ANKS1A: variants seen among roughly 807,000 people sequenced by gnomAD.
ANKS1A encodes ankyrin repeat and sterile alpha motif domain containing 1A, also known as ankyrin repeat and SAM domain-containing protein 1A.
ANKS1A carries 55 observed loss-of-function variants against 120.3 expected under a neutral mutation model. That is an observed-to-expected ratio of 0.46 (90% CI 0.37 to 0.57). The LOEUF (loss-of-function observed/expected upper bound fraction) is 0.57. Among genes scored for constraint, ANKS1A ranks in the 20% least tolerant of loss-of-function variants. The probability of loss-of-function intolerance (pLI) is 0.00; values close to 1 mark genes in which losing one functional copy is unlikely to be tolerated. For synonymous variants in ANKS1A, 590 were observed against 604.7 expected (o/e 0.98, Z 0.36); for missense variants, 1,123 against 1,480.3 (o/e 0.76, Z 3.96).
intron 1 of ANKS1A, among the ~76,000 whole-genome samples, chr6:34,950,465 G>A (rs548942348): frequency 2.0e-4 from 30 of 152,098 alleles, no homozygotes; most frequent in African/African-American, 7.2e-4. Flanking sequence ...CTGACCTCAG[G>A]TGATCTGCCC....
At chr6:35,061,777 G>A (rs925952244) in intron 13 of ANKS1A, among the ~76,000 whole-genome samples, 1 of 152,164 alleles carries the variant, frequency 6.6e-6, no homozygotes, top group Non-Finnish European at 1.5e-5. Flanking sequence ...GACTCACCAC[G>A]TTCCTCGGGG....
intron 13 of ANKS1A, among the ~76,000 whole-genome samples, chr6:35,078,118 C>T (rs1360757832): frequency 1.3e-5 from 2 of 152,146 alleles, no homozygotes; most frequent in African/African-American, 2.4e-5. Flanking sequence ...GCTGGGTCCT[C>T]GGGTACCCAA....
In ANKS1A at chr6:35,089,338, G is replaced by A. The variant is rs927108031; in HGVS notation, c.*729G>A. Reference sequence around the variant, plus strand: ...GATAAGTGTGCAGTTTCTAGTGCTGGGAAGTCTTAGCCAGCACCAGAGCGC... The same window carrying A: ...GATAAGTGTGCAGTTTCTAGTGCTGAGAAGTCTTAGCCAGCACCAGAGCGC... On this transcript the variant is annotated 3_prime_UTR_variant, in exon 24 of 24. Transcript: ENST00000360359. 3.0e-6 allele frequency: 3 copies of A among 986,952 alleles called. No homozygotes were observed. Among genetic ancestry groups the A allele is most frequent in the East Asian group, 1.1e-4 (1 of 8,838 alleles). The allele number at this position is 986,952 out of a possible 1,614,324, so 61.1% of individuals were successfully genotyped here.
At chr6:35,079,175 C>T (rs767617290) in intron 14 of ANKS1A, among the ~76,000 whole-genome samples, 1 of 152,226 alleles carries the variant, frequency 6.6e-6, no homozygotes, top group Non-Finnish European at 1.5e-5. Context: ...AGCGCCCGCT[C>T]TGAGGGCACA....
chr6:34,966,261 T>A (rs1444209891), intron 1 of ANKS1A, among the ~76,000 whole-genome samples: 1 of 152,226 alleles, frequency 6.6e-6, no homozygotes, highest in Non-Finnish European at 1.5e-5. Flanking sequence ...CAATTAAGTT[T>A]ACTCCAAGAA....
At chr6:35,016,322 G>C (rs1581648657) in intron 10 of ANKS1A, among the ~76,000 whole-genome samples, 1 of 152,210 alleles carries the variant, frequency 6.6e-6, no homozygotes. Context: ...TAGTTCTTGA[G>C]AGTTTTGAGC....
intron 1 of ANKS1A, among the ~76,000 whole-genome samples, chr6:34,903,945 C>T (rs1372707522): frequency 1.3e-5 from 2 of 152,188 alleles, no homozygotes; most frequent in African/African-American, 2.4e-5. Context: ...CTGCCTTGGC[C>T]TCCCAAGGTG....
intron 14 of ANKS1A, 44 bp downstream of exon 14, chr6:35,078,700 G>A (rs1416164055): frequency 1.9e-6 from 3 of 1,574,056 alleles, no homozygotes; most frequent in Non-Finnish European, 2.6e-6. Context: ...GCGGAGCCAG[G>A]GCCACCTCCC....
chr6:35,017,422 A>AT, intron 10 of ANKS1A, 51 bp from the exon 11 acceptor site: 1 of 1,532,488 alleles, frequency 6.5e-7, no homozygotes, highest in South Asian at 1.3e-5. Context: ...AACTTTGTTG[A>AT]TTTTTGCCAC....
At position 34,912,697 on chromosome 6, in the gene ANKS1A, GA is replaced by G. The variant is rs1767963830; in HGVS notation, c.197+23103del. Among the ~76,000 whole-genome samples the G allele has an allele frequency of 5.9e-5, 9 of 152,296 alleles. 1 individual carries two copies. The South Asian group carries it at 1.4e-3, about 25-fold the overall frequency. On this transcript the variant is annotated intron_variant, in intron 1 of 23. Coordinates refer to ENST00000360359, the MANE Select transcript of ANKS1A (RefSeq NM_015245.3). ...TCTACCACAAAGTCGATTGGGGTTA[GA>G]AAAAGGGGTGCACTAGTAGGGATTC...
Position 34,967,150 on chromosome 6 carries a change from T to A in ANKS1A, c.198-89T>A. On this transcript the variant is annotated intron_variant, in intron 1 of 23. Coordinates refer to ENST00000360359, the MANE Select transcript of ANKS1A (RefSeq NM_015245.3). The stretch of plus-strand genomic sequence containing the variant: ...GGTCTGGTTGAACACCACACAGAAA[T>A]CTTTACTAATTAGCTAGCTATCTCT... The A allele has an allele frequency of 2.3e-6, 3 of 1,290,938 alleles. No individual in the cohort carries two copies. The South Asian group carries it at 3.8e-5, about 16-fold the overall frequency. 80.0% of individuals were successfully genotyped at this position (1,290,938 alleles called of 1,614,324 possible).
rs563198723 is a variant in ANKS1A, at chr6:35,059,839, C to T, written c.2078-308C>T. On this transcript the variant is annotated intron_variant, in intron 12 of 23. Coordinates refer to ENST00000360359, the MANE Select transcript of ANKS1A (RefSeq NM_015245.3). Reference sequence around the variant, plus strand: ...GACTGTTGGGATTTGGCTTCCCCCACCCCCGACCTGTGGGCAGAGATCATG... The same window carrying T: ...GACTGTTGGGATTTGGCTTCCCCCATCCCCGACCTGTGGGCAGAGATCATG... Among the ~76,000 whole-genome samples, 8 of 152,290 alleles carry T rather than the reference C, an allele frequency of 5.3e-5. No individual in the cohort carries two copies. In the East Asian group the frequency reaches 1.5e-3, roughly 29 times the overall value.
chr6:34,910,239 G>A (rs866504914), intron 1 of ANKS1A, among the ~76,000 whole-genome samples: 9 of 152,266 alleles, frequency 5.9e-5, no homozygotes, highest in Middle Eastern at 3.4e-3. Context: ...GCAGTTGAGT[G>A]GGTGATCTCT....
At chr6:34,942,369 CT>C (rs1389958819) in intron 1 of ANKS1A, among the ~76,000 whole-genome samples, 2 of 152,196 alleles carry the variant, frequency 1.3e-5, no homozygotes, top group Non-Finnish European at 2.9e-5. Flanking sequence ...TCAGTACTCA[CT>C]TGAGTTTAAG....
intron 3 of ANKS1A, among the ~76,000 whole-genome samples, chr6:34,976,273 A>G (rs146203734): frequency 2.4e-3 from 360 of 152,236 alleles, no homozygotes; most frequent in African/African-American, 8.1e-3. Context: ...TCTATCAGGC[A>G]CCTGTACAAA....
In ANKS1A at chr6:34,997,506, A is replaced by T. The variant is rs374650762; in HGVS notation, c.1423+3084A>T. Among the ~76,000 whole-genome samples the T allele has an allele frequency of 6.6e-5, 10 of 152,266 alleles. No homozygotes were observed. In the East Asian group the frequency reaches 9.6e-4, roughly 15 times the overall value. ...GCACCAAGCCTGGCCATATTGGTAG[A>T]TTTTTAATTAAAACATTTAGAAAAG... On this transcript the variant is annotated intron_variant, in intron 10 of 23. Transcript: ENST00000360359.
Position 35,082,679 on chromosome 6 carries a change from T to C in ANKS1A, c.2710-12T>C. 1 of 1,604,462 alleles carries C rather than the reference T, an allele frequency of 6.2e-7. No individual in the cohort carries two copies. The highest frequency in any genetic ancestry group is 8.5e-7 in the Non-Finnish European group (1 of 1,175,120). On this transcript the variant is annotated splice_polypyrimidine_tract_variant and intron_variant, in intron 17 of 23. Coordinates refer to ENST00000360359, the MANE Select transcript of ANKS1A (RefSeq NM_015245.3). This position sits in a 1 kb window ranked among gnomAD's most constrained non-coding sequence, Gnocchi z 4.1. ...AGCAAGGAGCAGGTGTCCAATTGCG[T>C]GTGTTTCGCAGGAGGAGCACCGTGA...
At position 34,889,287 on chromosome 6, in the gene ANKS1A, G is replaced by A; in HGVS notation, c.-116G>A. 8.3e-7 allele frequency: 1 copy of A among 1,208,116 alleles called. No homozygotes were observed. Among genetic ancestry groups the A allele is most frequent in the Non-Finnish European group, 1.0e-6 (1 of 970,154 alleles). 74.8% of individuals were successfully genotyped at this position (1,208,116 alleles called of 1,614,324 possible). A position where few individuals can be genotyped will look rare whatever the true frequency, so the allele number is the denominator to read the frequency against. On this transcript the variant is annotated 5_prime_UTR_variant, in exon 1 of 24. Coordinates refer to ENST00000360359, the MANE Select transcript of ANKS1A (RefSeq NM_015245.3). The surrounding 1 kb of genome is among the most constrained non-coding windows in gnomAD (Gnocchi z 5.5). ...CGCTCGTGGGGAAAAGGCAGGGAGG[G>A]GGTGGTGTCCCCAGCCGGTTTGGGG... is the stretch of plus-strand genomic sequence containing the variant.
chr6:34,910,677 A>T (rs1238388309), intron 1 of ANKS1A, among the ~76,000 whole-genome samples: 1 of 152,104 alleles, frequency 6.6e-6, no homozygotes, highest in African/African-American at 2.4e-5. Flanking sequence ...CCTGGCCAAC[A>T]TGGTGAAACC....
Sources: allele counts gnomAD v4.1 joint callset (sites outside exome capture counted in the v4.1 genomes callset), GRCh38; gene constraint gnomAD v4.1.1; non-coding constraint Gnocchi (gnomAD v3.1); transcripts MANE v1.5; gene names NCBI Gene and HGNC (gene_info 2026-07-23, HGNC 2026-07-21).